CADM2: variants seen among roughly 807,000 people sequenced by gnomAD.
CADM2 encodes the protein immunoglobulin superfamily member 4D.
CADM2 carries 12 observed loss-of-function variants against 49.8 expected under a neutral mutation model. The observed-to-expected ratio is 0.24, with a 90% confidence interval of 0.15 to 0.39. The LOEUF (loss-of-function observed/expected upper bound fraction) is 0.39, where lower values mean the gene tolerates loss of function less well. Ranked by LOEUF, CADM2 falls within the 10% of genes least tolerant of loss-of-function variation. The pLI, the probability that CADM2 is intolerant of heterozygous loss-of-function variation, is 1.00. For missense variants in CADM2, 378 were observed against 492.3 expected (o/e 0.77, Z 2.20); for synonymous variants, 214 against 175.4 (o/e 1.22, Z -1.74).
intron 1 of CADM2, among the ~76,000 whole-genome samples, chr3:84,997,496 T>C (rs532291176): frequency 6.6e-6 from 1 of 152,156 alleles, no homozygotes; most frequent in Non-Finnish European, 1.5e-5. Flanking sequence ...TTCTGATTTT[T>C]TTGTGAATTT....
At chr3:85,649,109 T>G (rs2064972853) in intron 1 of CADM2, among the ~76,000 whole-genome samples, 1 of 152,086 alleles carries the variant, frequency 6.6e-6, no homozygotes, top group African/African-American at 2.4e-5. Context: ...ATTTCTATTT[T>G]AAAGCAATAA....
intron 1 of CADM2, among the ~76,000 whole-genome samples, chr3:85,697,112 G>GCCATATGTATATAT (rs1559598947): frequency 7.7e-6 from 1 of 129,278 alleles, no homozygotes; most frequent in Non-Finnish European, 1.8e-5. Flanking sequence ...ATATATATAT[G>GCCATATGTATATAT]GCATATATAT....
At chr3:85,184,483 T>TGA (rs2041007316) in intron 1 of CADM2, among the ~76,000 whole-genome samples, 1 of 152,166 alleles carries the variant, frequency 6.6e-6, no homozygotes, top group Non-Finnish European at 1.5e-5. Context: ...TTTTTAGTTC[T>TGA]TTAAACATTT....
chr3:86,045,710 G>A (rs993361436), intron 8 of CADM2, among the ~76,000 whole-genome samples: 1 of 151,854 alleles, frequency 6.6e-6, no homozygotes, highest in Admixed American at 6.6e-5. Flanking sequence ...CTTTTATTTT[G>A]CATTTTCTCC....
intron 1 of CADM2, among the ~76,000 whole-genome samples, chr3:85,619,964 C>T (rs1010581895): frequency 6.6e-6 from 1 of 152,140 alleles, no homozygotes; most frequent in African/African-American, 2.4e-5. Context: ...AATCATTTTA[C>T]AATTATACAA....
At chr3:85,703,310 C>A (rs1349694331) in intron 1 of CADM2, among the ~76,000 whole-genome samples, 2 of 152,040 alleles carry the variant, frequency 1.3e-5, no homozygotes, top group African/African-American at 4.8e-5. Flanking sequence ...CTTTCCCTGT[C>A]TCACTCTTTT....
intron 1 of CADM2, among the ~76,000 whole-genome samples, chr3:85,120,531 CATGG>C (rs562008314): frequency 1.3e-3 from 193 of 152,160 alleles, no homozygotes; most frequent in African/African-American, 4.3e-3. Context: ...TTTGCAGGGA[CATGG>C]ATGAAGCTGG....
chr3:85,235,754 T>G (rs1030538381), intron 1 of CADM2, among the ~76,000 whole-genome samples: 1 of 152,086 alleles, frequency 6.6e-6, no homozygotes, highest in Non-Finnish European at 1.5e-5. Flanking sequence ...TCTTATAGAT[T>G]TGTCTTTTCT....
chr3:85,407,630 C>A (rs2035450052), intron 1 of CADM2, among the ~76,000 whole-genome samples: 2 of 152,040 alleles, frequency 1.3e-5, no homozygotes, highest in Non-Finnish European at 2.9e-5. Context: ...TAAGTAGTTT[C>A]TAGAAAGAAA....
chr3:85,149,054 A>C (rs1575982280), intron 1 of CADM2, among the ~76,000 whole-genome samples: 2 of 152,056 alleles, frequency 1.3e-5, no homozygotes, highest in South Asian at 2.1e-4. Context: ...GATAAAGATA[A>C]ATTTTTAATT....
chr3:85,934,669 T>C (rs1417736185), intron 6 of CADM2, among the ~76,000 whole-genome samples: 1 of 152,114 alleles, frequency 6.6e-6, no homozygotes, highest in African/African-American at 2.4e-5. Flanking sequence ...TTTTATACTT[T>C]ATTATTCTAT....
intron 8 of CADM2, chr3:86,014,369 T>C (rs1731943631): frequency 7.0e-7 from 1 of 1,433,884 alleles, no homozygotes; most frequent in Admixed American, 2.4e-5. Context: ...TATTTGCAGC[T>C]GGTAGCTTGA....
chr3:85,734,701 T>A (rs904666155), intron 2 of CADM2, among the ~76,000 whole-genome samples: 1 of 147,674 alleles, frequency 6.8e-6, no homozygotes, highest in African/African-American at 2.5e-5. Context: ...ATATATATAT[T>A]TTAAATATAA....
intron 8 of CADM2, among the ~76,000 whole-genome samples, chr3:86,051,337 G>C (rs937702174): frequency 6.6e-6 from 1 of 152,098 alleles, no homozygotes; most frequent in Non-Finnish European, 1.5e-5. Context: ...CCTCAGCCTG[G>C]AGTTCATTGT....
At chr3:85,097,798 C>A (rs956150637) in intron 1 of CADM2, among the ~76,000 whole-genome samples, 1 of 152,184 alleles carries the variant, frequency 6.6e-6, no homozygotes. Flanking sequence ...GTTGAGTGGT[C>A]TTTTCCTATG....
intron 1 of CADM2, among the ~76,000 whole-genome samples, chr3:85,080,259 C>T (rs895178436): frequency 1.3e-5 from 2 of 151,946 alleles, no homozygotes; most frequent in Non-Finnish European, 2.9e-5. Flanking sequence ...TCATTACATG[C>T]CTCTTAACTC....
chr3:85,998,148 A>T (rs1415488389), intron 8 of CADM2, among the ~76,000 whole-genome samples: 4 of 152,172 alleles, frequency 2.6e-5, no homozygotes, highest in Non-Finnish European at 5.9e-5. Context: ...ATGCTGGGGT[A>T]GCAGGGTTGG....
At chr3:85,603,562 G>A (rs555938587) in intron 1 of CADM2, among the ~76,000 whole-genome samples, 23 of 151,604 alleles carry the variant, frequency 1.5e-4, no homozygotes, top group African/African-American at 5.6e-4. Context: ...TTTCCCCAGG[G>A]GAAACAAAGG....
At chr3:86,007,814 T>C (rs1730977057) in intron 8 of CADM2, among the ~76,000 whole-genome samples, 2 of 152,118 alleles carry the variant, frequency 1.3e-5, no homozygotes, top group South Asian at 4.1e-4. Flanking sequence ...GTTCAGTAAG[T>C]GTGGAAAAAA....
Sources: allele counts gnomAD v4.1 joint callset (sites outside exome capture counted in the v4.1 genomes callset), GRCh38; gene constraint gnomAD v4.1.1; transcripts MANE v1.5; gene names NCBI Gene and HGNC (gene_info 2026-07-23, HGNC 2026-07-21).